CHD2: variants seen among roughly 807,000 people sequenced by gnomAD.
The protein encoded by CHD2 is ATP-dependent chromatin remodeler CHD2.
Under a neutral mutation model 243.9 loss-of-function variants are expected in CHD2, and 28 were observed. That is an observed-to-expected ratio of 0.11 (90% CI 0.09 to 0.16). The LOEUF (loss-of-function observed/expected upper bound fraction) is 0.16, where lower values mean the gene tolerates loss of function less well. Ranked by LOEUF, CHD2 falls within the 10% of genes least tolerant of loss-of-function variation. CHD2 has a pLI of 1.00. For missense variants in CHD2, 1,386 were observed against 2,209.8 expected, an observed-to-expected ratio of 0.63 and a Z score of 7.47; for synonymous variants, 775 against 779.0, an observed-to-expected ratio of 0.99 and a Z score of 0.09.
intron 32 of CHD2, 121 bp downstream of exon 32, chr15:93,000,761 A>G: frequency 3.6e-6 from 4 of 1,098,862 alleles, no homozygotes; most frequent in Non-Finnish European, 3.8e-6. Flanking sequence ...GAAATAGAAT[A>G]TGTAAGTCTT....
intron 6 of CHD2, among the ~76,000 whole-genome samples, chr15:92,938,151 AAC>A (rs1342625116): frequency 2.0e-5 from 3 of 152,218 alleles, no homozygotes; most frequent in Non-Finnish European, 4.4e-5. Flanking sequence ...GGACTCAGCA[AAC>A]TATGCCCTTT....
intron 22 of CHD2, among the ~76,000 whole-genome samples, chr15:92,980,015 G>T (rs2053957500): frequency 6.7e-6 from 1 of 149,030 alleles, no homozygotes; most frequent in Non-Finnish European, 1.5e-5. Context: ...AGTGTCTTCT[G>T]TGGTGGTGTT....
Position 93,014,781 on chromosome 15 carries a change from C to A in CHD2, c.4778C>A (p.Ser1593Tyr). The A allele has an allele frequency of 6.2e-7, 1 of 1,614,182 alleles. No individual in the cohort carries two copies. Among genetic ancestry groups the A allele is most frequent in the Non-Finnish European group, 8.5e-7 (1 of 1,180,028 alleles). ...GGCTCCAGCCGGGACTCTCTGATATCTCAGTCCCATACCTCACACAACCTT... is the reference window on the plus strand; with the variant it reads ...GGCTCCAGCCGGGACTCTCTGATATATCAGTCCCATACCTCACACAACCTT... ...ASGSSRDSLI[S>Y]QSHTSHNLHP... Residue 1593 changes from serine to tyrosine, a missense_variant, in exon 37 of 39, where the codon TCT (serine) becomes TAT (tyrosine). Transcript: ENST00000394196.
At chr15:92,925,591 A>G (rs1228652607) in intron 3 of CHD2, among the ~76,000 whole-genome samples, 1 of 152,212 alleles carries the variant, frequency 6.6e-6, no homozygotes, top group Non-Finnish European at 1.5e-5. Context: ...AAAAACTTTC[A>G]TAGCTCTAGC....
chr15:92,924,302 C>A lies in CHD2; in HGVS notation c.63-19C>A. On this transcript the variant is annotated intron_variant, in intron 2 of 38. Transcript: ENST00000394196. Reference sequence around the variant, plus strand: ...TCAGTTCTTAAATATTTTTAAATCTCTCTCTCTCTCAAAATAAGTCACTCA... The same window carrying A: ...TCAGTTCTTAAATATTTTTAAATCTATCTCTCTCTCAAAATAAGTCACTCA... 1.2e-6 allele frequency: 2 copies of A among 1,601,416 alleles called. No homozygotes were observed. Among genetic ancestry groups the A allele is most frequent in the Non-Finnish European group, 1.7e-6 (2 of 1,169,978 alleles).
At chr15:93,002,074 T>G in intron 32 of CHD2, 103 bp from the exon 33 acceptor site, 5 of 1,444,224 alleles carry the variant, frequency 3.5e-6, no homozygotes, top group African/African-American at 1.4e-5. Context: ...CTTCTAAGTA[T>G]AGACAGTGAT....
chr15:93,024,911 C>T lies in CHD2; in HGVS notation c.*206C>T, dbSNP rs547901445. On this transcript the variant is annotated 3_prime_UTR_variant, in exon 39 of 39. Coordinates refer to ENST00000394196, the MANE Select transcript of CHD2 (RefSeq NM_001271.4). ...TCGGGTCACCACTCCTGCACTTTGG[C>T]ACCCCATCCCATTCCAGCCTAGTTC... The T allele has an allele frequency of 2.9e-5, 15 of 526,302 alleles. No homozygotes were observed. The highest frequency in any genetic ancestry group is 9.7e-4 in the Middle Eastern group (2 of 2,058). The allele number at this position is 526,302 out of a possible 1,614,324, so 32.6% of individuals were successfully genotyped here. A position where few individuals can be genotyped will look rare whatever the true frequency, so the allele number is the denominator to read the frequency against.
chr15:92,978,064 A>C (rs1596427633), intron 20 of CHD2, 170 bp from the exon 21 acceptor site: 9 of 726,868 alleles, frequency 1.2e-5, no homozygotes, highest in Non-Finnish European at 2.1e-5. Context: ...TCAAATGAAA[A>C]TTCATTCTAC....
In CHD2 at chr15:93,014,810, C is replaced by T. The variant is rs144395162; in HGVS notation, c.4807C>T (p.Pro1603Ser). The T allele has an allele frequency of 7.1e-5, 114 of 1,614,186 alleles. No individual in the cohort carries two copies. The African/African-American group carries it at 1.3e-3, about 19-fold the overall frequency. The stretch of plus-strand genomic sequence containing the variant: ...GTCCCATACCTCACACAACCTTCAC[C>T]CTCAGAAGCCTCATTTGCCTGCCTC... ...SQSHTSHNLH[P>S]QKPHLPASHG... Residue 1603 changes from proline (P) to serine (S), a missense_variant, in exon 37 of 39, where the codon CCT (proline) becomes TCT (serine). Coordinates refer to ENST00000394196, the MANE Select transcript of CHD2 (RefSeq NM_001271.4).
intron 2 of CHD2, chr15:92,902,480 TA>T: frequency 3.7e-6 from 1 of 267,930 alleles, no homozygotes; most frequent in Non-Finnish European, 6.9e-6. Flanking sequence ...ACTTTTCTAT[TA>T]GGCTAGTGAA....
At position 92,967,461 on chromosome 15, in the gene CHD2, G is replaced by T; in HGVS notation, c.2137G>T (p.Val713Leu). The T allele has an allele frequency of 6.2e-7, 1 of 1,614,022 alleles. No homozygotes were observed. Among genetic ancestry groups the T allele is most frequent in the Non-Finnish European group, 8.5e-7 (1 of 1,179,970 alleles). ...KDVEKSLPAK[V>L]EQILRVEMSA... ...TGTGGAGAAATCCCTTCCTGCTAAA[G>T]TGGAACAGATTCTCAGGGTGGAGAT... The change falls in exon 17 of 39, where the codon GTG (valine) becomes TTG (leucine). Residue 713 changes from valine (V) to leucine (L), a missense_variant. Coordinates refer to ENST00000394196, the MANE Select transcript of CHD2 (RefSeq NM_001271.4).
intron 5 of CHD2, among the ~76,000 whole-genome samples, chr15:92,930,840 A>T (rs1423020308): frequency 6.6e-6 from 1 of 152,010 alleles, no homozygotes; most frequent in Non-Finnish European, 1.5e-5. Context: ...CTTCTTTTTC[A>T]TATTGCTTCC....
rs370718176 is a variant in CHD2 at position 93,018,298 on chromosome 15, CAGCCATGAATTTA to C, written c.4907-1708_4907-1696del. ...GTGCTCTCATCTGATCTACCCAGGT[CAGCCATGAATTTA>C]AGCCACTGGTGGACTGTACATCATA... On this transcript the variant is annotated intron_variant, in intron 37 of 38. Coordinates refer to ENST00000394196, the MANE Select transcript of CHD2 (RefSeq NM_001271.4). Among the ~76,000 whole-genome samples, 569 of 152,344 alleles carry C rather than the reference CAGCCATGAATTTA, an allele frequency of 3.7e-3. 2 individuals are homozygous for C. Among genetic ancestry groups the C allele is most frequent in the Non-Finnish European group, 6.1e-3 (418 of 68,042 alleles).
At chr15:92,953,914 G>T in intron 14 of CHD2, 1 of 186,782 alleles carries the variant, frequency 5.4e-6, no homozygotes, top group Non-Finnish European at 1.1e-5. Flanking sequence ...TATTATTTTT[G>T]CTTTCTCAAT....
intron 2 of CHD2, chr15:92,904,379 C>G: frequency 5.4e-6 from 5 of 925,028 alleles, no homozygotes; most frequent in Non-Finnish European, 6.5e-6. Context: ...AGCCTCCGCC[C>G]CGTGACGTCA....
At position 92,967,598 on chromosome 15, in the gene CHD2, GT is replaced by G. The variant is rs144172255; in HGVS notation, c.2189+99del. On this transcript the variant is annotated intron_variant, in intron 17 of 38. Coordinates refer to ENST00000394196, the MANE Select transcript of CHD2 (RefSeq NM_001271.4). ...ATAGGAGATATATATATATACTTTT[GT>G]TTTTTTTTTTTTTGGAGACAGAGTC... The G allele has an allele frequency of 0.37, 225,779 of 607,908 alleles. 14,210 individuals are homozygous for G. The highest frequency in any genetic ancestry group is 0.53 in the East Asian group (12,754 of 23,952). 37.7% of individuals were successfully genotyped at this position (607,908 alleles called of 1,614,324 possible).
At chr15:93,003,319 T>C (rs1180286300) in intron 33 of CHD2, among the ~76,000 whole-genome samples, 1 of 151,710 alleles carries the variant, frequency 6.6e-6, no homozygotes, top group Non-Finnish European at 1.5e-5. Context: ...TTTTTAATAG[T>C]TGGGGAGGAT....
At chr15:92,912,780 A>ACCTTGTGATCCGCCC (rs2052763632) in intron 2 of CHD2, among the ~76,000 whole-genome samples, 3 of 151,346 alleles carry the variant, frequency 2.0e-5, no homozygotes, top group East Asian at 1.9e-4. Context: ...GTGATCCGCC[A>ACCTTGTGATCCGCCC]ACCTTGTGAT....
intron 23 of CHD2, 117 bp from the exon 24 acceptor site, chr15:92,981,248 A>G: frequency 1.5e-6 from 1 of 659,164 alleles, no homozygotes; most frequent in Non-Finnish European, 2.7e-6. Context: ...AAATATCAGA[A>G]AGGAGAATTG....
Sources: allele counts gnomAD v4.1 joint callset (sites outside exome capture counted in the v4.1 genomes callset), GRCh38; gene constraint gnomAD v4.1.1; transcripts MANE v1.5; gene names NCBI Gene and HGNC (gene_info 2026-07-23, HGNC 2026-07-21).